Variants in CHCHD3 observed in about 807,000 individuals in gnomAD.
CHCHD3 encodes the protein MICOS complex subunit MIC19.
In CHCHD3, 20 loss-of-function variants were observed where a neutral mutation model predicts 38.2. The ratio of observed to expected loss-of-function variants is 0.52; its 90% CI spans 0.37 to 0.76. CHCHD3 has a LOEUF of 0.76. Ranked by LOEUF, CHCHD3 falls within the 30% of genes least tolerant of loss-of-function variation. The pLI is 0.00. For synonymous variants in CHCHD3, 82 were observed against 100.0 expected, an observed-to-expected ratio of 0.82 and a Z score of 1.07; for missense variants, 245 against 279.2, an observed-to-expected ratio of 0.88 and a Z score of 0.87.
chr7:132,958,242 G>T (rs138341845), intron 4 of CHCHD3, among the ~76,000 whole-genome samples: 23 of 152,170 alleles, frequency 1.5e-4, no homozygotes, highest in East Asian at 1.2e-3. Context: ...AACCATTGCT[G>T]GTCTTTTACA....
intron 2 of CHCHD3, among the ~76,000 whole-genome samples, chr7:133,056,978 A>G (rs1303982163): frequency 1.3e-5 from 2 of 152,218 alleles, no homozygotes; most frequent in Non-Finnish European, 2.9e-5. Flanking sequence ...GTGGTGATTT[A>G]ACTACCACCT....
chr7:132,990,476 T>G (rs779484395), intron 3 of CHCHD3, among the ~76,000 whole-genome samples: 12 of 152,144 alleles, frequency 7.9e-5, no homozygotes, highest in Non-Finnish European at 1.5e-4. Flanking sequence ...GATGGGCAGC[T>G]TGAGCCCTGG....
chr7:132,881,935 T>A (rs1003554533), intron 5 of CHCHD3, among the ~76,000 whole-genome samples: 1 of 152,092 alleles, frequency 6.6e-6, no homozygotes, highest in African/African-American at 2.4e-5. Flanking sequence ...CTGGAAGAAA[T>A]CCAAAGTGAC....
intron 2 of CHCHD3, among the ~76,000 whole-genome samples, chr7:133,025,474 C>G (rs1191379355): frequency 6.6e-6 from 1 of 152,172 alleles, no homozygotes; most frequent in African/African-American, 2.4e-5. Context: ...CTAGGAATAT[C>G]CACAGAACCT....
intron 5 of CHCHD3, among the ~76,000 whole-genome samples, chr7:132,865,116 A>C (rs1233188806): frequency 2.0e-5 from 3 of 152,258 alleles, no homozygotes; most frequent in African/African-American, 4.8e-5. Flanking sequence ...AGTATTGTGT[A>C]CCTGGGGGTC....
At chr7:132,860,972 G>A (rs1291142119) in intron 5 of CHCHD3, among the ~76,000 whole-genome samples, 2 of 152,196 alleles carry the variant, frequency 1.3e-5, no homozygotes, top group African/African-American at 4.8e-5. Flanking sequence ...AAAATAGACA[G>A]TGGTGGAGGG....
At chr7:132,984,000 C>T (rs1476351825) in intron 3 of CHCHD3, among the ~76,000 whole-genome samples, 3 of 150,306 alleles carry the variant, frequency 2.0e-5, no homozygotes, top group Non-Finnish European at 3.0e-5. Flanking sequence ...CCTCTCCCCA[C>T]GGTCTCCCTC....
intron 3 of CHCHD3, among the ~76,000 whole-genome samples, chr7:133,011,140 G>A (rs550417865): frequency 1.3e-5 from 2 of 152,170 alleles, no homozygotes; most frequent in Admixed American, 6.5e-5. Context: ...CGATGTGGCC[G>A]AAGTGTTCAA....
chr7:133,060,802 C>T (rs1429979891), intron 2 of CHCHD3, among the ~76,000 whole-genome samples: 6 of 152,134 alleles, frequency 3.9e-5, no homozygotes, highest in South Asian at 2.1e-4. Flanking sequence ...CCCAGTTACT[C>T]GGGAGGCTGA....
intron 2 of CHCHD3, among the ~76,000 whole-genome samples, chr7:133,063,428 G>A (rs1267879933): frequency 6.6e-6 from 1 of 152,094 alleles, no homozygotes; most frequent in Non-Finnish European, 1.5e-5. Flanking sequence ...GGATCCACTT[G>A]CTTCATTCAC....
rs908309738 is a variant in CHCHD3 at position 133,068,243 on chromosome 7, G to A, written c.169+1899C>T. On this transcript the variant is annotated intron_variant, in intron 2 of 7. Coordinates refer to ENST00000262570, the MANE Select transcript of CHCHD3 (RefSeq NM_017812.4). ...AGTAGCTACTTTTAAAATGGATAAT[G>A]CCCTTAAATTAATTCAACAAACGAT... Among the ~76,000 whole-genome samples the A allele has an allele frequency of 2.0e-5, 3 of 152,150 alleles. No individual in the cohort carries two copies. The East Asian group carries it at 5.8e-4, about 29-fold the overall frequency.
At chr7:132,990,418 T>C (rs1265208190) in intron 3 of CHCHD3, among the ~76,000 whole-genome samples, 4 of 152,226 alleles carry the variant, frequency 2.6e-5, no homozygotes, top group East Asian at 3.9e-4. Context: ...GCAAATCCCT[T>C]TCATAAGCCA....
At chr7:132,834,538 G>A (rs1184749121) in intron 6 of CHCHD3, among the ~76,000 whole-genome samples, 1 of 152,182 alleles carries the variant, frequency 6.6e-6, no homozygotes. Context: ...AGTTTGCAGA[G>A]CGGGGGAGGG....
At chr7:132,955,252 T>C (rs1811135055) in intron 4 of CHCHD3, among the ~76,000 whole-genome samples, 1 of 144,344 alleles carries the variant, frequency 6.9e-6, no homozygotes, top group Admixed American at 7.3e-5. Context: ...CAATCAACTA[T>C]TGTTCTTCCC....
intron 3 of CHCHD3, among the ~76,000 whole-genome samples, chr7:133,002,692 G>A (rs765479004): frequency 1.3e-5 from 2 of 152,028 alleles, no homozygotes; most frequent in East Asian, 1.9e-4. Context: ...TTAACTCAGA[G>A]TGGGAGTATA....
intron 4 of CHCHD3, among the ~76,000 whole-genome samples, chr7:132,958,816 T>C (rs1811243091): frequency 6.6e-6 from 1 of 152,184 alleles, no homozygotes; most frequent in African/African-American, 2.4e-5. Context: ...AAAATAACAG[T>C]GCCCTGGCCA....
At chr7:132,826,782 C>T (rs1461869641) in intron 6 of CHCHD3, among the ~76,000 whole-genome samples, 1 of 152,170 alleles carries the variant, frequency 6.6e-6, no homozygotes, top group African/African-American at 2.4e-5. Context: ...TTGAAAAGTA[C>T]CAGTGCTACT....
intron 7 of CHCHD3, among the ~76,000 whole-genome samples, chr7:132,789,540 G>A (rs7794689): frequency 6.6e-6 from 1 of 151,980 alleles, no homozygotes; most frequent in South Asian, 2.1e-4. Context: ...CATCCTAACC[G>A]CTTGCCTCAA....
At chr7:132,955,173 G>GGTGTGTGTGTGTGTGT (rs3050414) in intron 4 of CHCHD3, among the ~76,000 whole-genome samples, 5,481 of 126,190 alleles carry the variant, frequency 0.043, 202 homozygotes, top group African/African-American at 0.053. Context: ...TCCCTCAGAG[G>GGTGTGTGTGTGTGTGT]GTGTGTGTGT....
Sources: gnomAD v4.1 joint callset for allele counts (sites outside exome capture counted in the v4.1 genomes callset) on GRCh38, gnomAD v4.1.1 for gene constraint, MANE v1.5 for transcripts, NCBI Gene and HGNC (gene_info 2026-07-23, HGNC 2026-07-21) for gene names.